STARD8: variants seen among roughly 807,000 people sequenced by gnomAD.
STARD8 encodes the protein stAR-related lipid transfer protein 8.
In STARD8, 25 loss-of-function variants were observed where a neutral mutation model predicts 69.4. That is an observed-to-expected ratio of 0.36 (90% confidence interval 0.26 to 0.50). The LOEUF (loss-of-function observed/expected upper bound fraction) is 0.50, where lower values mean the gene tolerates loss of function less well. Among genes scored for constraint, STARD8 ranks in the 20% least tolerant of loss-of-function variants. The pLI is 0.96. For synonymous variants in STARD8, 389 were observed against 374.6 expected, an observed-to-expected ratio of 1.04 and a Z score of -0.45; for missense variants, 921 against 932.5, an observed-to-expected ratio of 0.99 and a Z score of 0.16.
Position 68,721,527 on chromosome X carries a change from T to A in STARD8, c.2249-9T>A, listed in dbSNP as rs752888777. On this transcript the variant is annotated splice_polypyrimidine_tract_variant and intron_variant, in intron 9 of 14. Transcript: ENST00000374599. The stretch of plus-strand genomic sequence containing the variant: ...TAAGGAAGGCTCTTCTTCCATTGCT[T>A]CCTCACAGTCCTCCCCAAGGATCAG... 9 of 1,208,862 alleles carry A rather than the reference T, an allele frequency of 7.4e-6. No homozygotes were observed. The highest frequency in any genetic ancestry group is 6.7e-6 in the Non-Finnish European group (6 of 894,084).
intron 1 of STARD8, among the ~76,000 whole-genome samples, chrX:68,660,582 C>T (rs966072897): frequency 8.9e-6 from 1 of 112,344 alleles, no homozygotes; most frequent in African/African-American, 3.2e-5. Flanking sequence ...ACATACCATC[C>T]TCCATCTCTA....
At chrX:68,709,214 G>A (rs1055979550) in intron 2 of STARD8, among the ~76,000 whole-genome samples, 10 of 112,205 alleles carry the variant, frequency 8.9e-5, no homozygotes, top group African/African-American at 1.9e-4. Flanking sequence ...AATTCAGTCT[G>A]TAGCCCTACT....
intron 6 of STARD8, 70 bp from the exon 7 acceptor site, chrX:68,719,155 A>G: frequency 1.9e-6 from 2 of 1,065,533 alleles, no homozygotes; most frequent in African/African-American, 3.8e-5. Flanking sequence ...GACCACAATA[A>G]CACCTTTTCT....
intron 2 of STARD8, among the ~76,000 whole-genome samples, chrX:68,678,848 C>T (rs987310275): frequency 1.8e-5 from 2 of 112,227 alleles, no homozygotes; most frequent in Non-Finnish European, 3.8e-5. Context: ...AAACAATACA[C>T]GTACTGATTA....
chrX:68,652,947 C>CACA (rs796641123), intron 1 of STARD8, among the ~76,000 whole-genome samples: 3 of 7,114 alleles, frequency 4.2e-4, no homozygotes, highest in Non-Finnish European at 8.8e-4. Context: ...CACACACACA[C>CACA]CACACCACAC....
intron 2 of STARD8, among the ~76,000 whole-genome samples, chrX:68,669,904 T>C (rs928980669): frequency 8.9e-6 from 1 of 112,802 alleles, no homozygotes; most frequent in Admixed American, 9.3e-5. Context: ...AGAATAATAA[T>C]AATTCAATCC....
chrX:68,679,633 C>T (rs1037627981), intron 2 of STARD8, among the ~76,000 whole-genome samples: 13 of 112,077 alleles, frequency 1.2e-4, no homozygotes, highest in Middle Eastern at 9.3e-3. Flanking sequence ...GTGAGCAGCC[C>T]CACTGACTAT....
intron 2 of STARD8, among the ~76,000 whole-genome samples, chrX:68,687,036 C>T (rs780066466): frequency 6.3e-5 from 7 of 111,375 alleles, no homozygotes; most frequent in Non-Finnish European, 1.1e-4. Context: ...AAACCTCAAC[C>T]TGTATTTTTT....
intron 2 of STARD8, among the ~76,000 whole-genome samples, chrX:68,697,725 C>T (rs1051912146): frequency 6.2e-5 from 7 of 112,480 alleles, no homozygotes; most frequent in Non-Finnish European, 5.6e-5. Context: ...TTTTCCCTTC[C>T]GCCCCAGTAA....
intron 3 of STARD8, among the ~76,000 whole-genome samples, chrX:68,714,788 C>G (rs2080078428): frequency 8.9e-6 from 1 of 112,103 alleles, no homozygotes; most frequent in Non-Finnish European, 1.9e-5. Flanking sequence ...CTCAGATTCT[C>G]TCTTCCATTC....
intron 9 of STARD8, 37 bp from the exon 10 acceptor site, chrX:68,721,499 A>T: frequency 8.4e-7 from 1 of 1,192,814 alleles, no homozygotes; most frequent in African/African-American, 1.7e-5. Flanking sequence ...GCCTCTGGGG[A>T]AGTAAGGAAG....
chrX:68,675,748 G>A (rs2079761358), intron 2 of STARD8, among the ~76,000 whole-genome samples: 1 of 111,512 alleles, frequency 9.0e-6, no homozygotes, highest in Admixed American at 9.5e-5. Context: ...GGAACTTGGG[G>A]TGGAGTGATG....
At chrX:68,711,695 T>C (rs1256195503) in intron 2 of STARD8, among the ~76,000 whole-genome samples, 4 of 112,541 alleles carry the variant, frequency 3.6e-5, no homozygotes, top group Non-Finnish European at 7.5e-5. Context: ...TCCCAGCCAC[T>C]AGGATTTCAT....
chrX:68,709,373 T>G (rs2080032587), intron 2 of STARD8, among the ~76,000 whole-genome samples: 1 of 112,729 alleles, frequency 8.9e-6, no homozygotes, highest in Admixed American at 9.3e-5. Context: ...GCAGCTGGGC[T>G]TCTTTCTCTA....
At chrX:68,690,673 C>T (rs771588345) in intron 2 of STARD8, among the ~76,000 whole-genome samples, 7 of 112,268 alleles carry the variant, frequency 6.2e-5, no homozygotes, top group Non-Finnish European at 1.1e-4. Context: ...GTATTATACT[C>T]TAGTCTTGTT....
At chrX:68,705,959 C>A (rs1439987493) in intron 2 of STARD8, among the ~76,000 whole-genome samples, 1 of 112,493 alleles carries the variant, frequency 8.9e-6, no homozygotes, top group African/African-American at 3.2e-5. Flanking sequence ...CACACCTGAA[C>A]CTACCACTGG....
chrX:68,699,596 C>T (rs1041571967), intron 2 of STARD8, among the ~76,000 whole-genome samples: 4 of 110,883 alleles, frequency 3.6e-5, no homozygotes, highest in African/African-American at 6.6e-5. Flanking sequence ...AACCTTCAAG[C>T]GTCTGCGCTC....
chrX:68,700,591 G>A (rs1044084533), intron 2 of STARD8, among the ~76,000 whole-genome samples: 3 of 112,606 alleles, frequency 2.7e-5, no homozygotes, highest in African/African-American at 9.7e-5. Flanking sequence ...TGTCTGAGGT[G>A]TGAGATAGGC....
At chrX:68,692,678 G>A (rs2079884941) in intron 2 of STARD8, among the ~76,000 whole-genome samples, 1 of 112,418 alleles carries the variant, frequency 8.9e-6, no homozygotes, top group African/African-American at 3.2e-5. Flanking sequence ...GGGCAACATA[G>A]CAAGACTTCA....
Sources: allele counts gnomAD v4.1 joint callset (sites outside exome capture counted in the v4.1 genomes callset), GRCh38; gene constraint gnomAD v4.1.1; transcripts MANE v1.5; gene names NCBI Gene and HGNC (gene_info 2026-07-23, HGNC 2026-07-21).